Variants in TNRC6A observed in about 807,000 individuals in gnomAD.
TNRC6A encodes trinucleotide repeat-containing gene 6A protein.
TNRC6A carries 44 observed loss-of-function variants against 221.2 expected under a neutral mutation model. The ratio of observed to expected loss-of-function variants is 0.20; its 90% CI spans 0.16 to 0.26. The LOEUF (loss-of-function observed/expected upper bound fraction) is 0.26, where lower values mean the gene tolerates loss of function less well. Ranked by LOEUF, TNRC6A falls within the 10% of genes least tolerant of loss-of-function variation. TNRC6A has a pLI of 1.00. For synonymous variants in TNRC6A, 847 were observed against 838.5 expected (o/e 1.01, Z -0.18); for missense variants, 2,199 against 2,404.4 (o/e 0.91, Z 1.79).
At chr16:24,725,195 G>C (rs2056471198), upstream of TNRC6A, among the ~76,000 whole-genome samples, 1 of 151,980 alleles carries the variant, frequency 6.6e-6, no homozygotes, top group Non-Finnish European at 1.5e-5. Context: ...ATTGAGAAAA[G>C]GTCTCACTCT....
At chr16:24,710,575 T>A (rs2056185930) in intron 2 of TNRC6A, among the ~76,000 whole-genome samples, 1 of 152,202 alleles carries the variant, frequency 6.6e-6, no homozygotes. Flanking sequence ...TGCATCCTAC[T>A]AAGCAGTGCT....
At position 24,806,556 on chromosome 16, in the gene TNRC6A, T is replaced by C; in HGVS notation, c.4330-18T>C. On this transcript the variant is annotated intron_variant, in intron 16 of 24. Transcript: ENST00000395799. ...GTTTTCCCCCAGTAATTTTTTCCAA[T>C]CATTTCATTGTTTTAAGGGTCGACC... The C allele has an allele frequency of 6.2e-7, 1 of 1,612,826 alleles. No individual in the cohort carries two copies. Among genetic ancestry groups the C allele is most frequent in the Non-Finnish European group, 8.5e-7 (1 of 1,178,800 alleles).
rs916944598 is a variant in TNRC6A, at chr16:24,777,214, C to T, written c.445C>T (p.Leu149=). 1 of 1,614,170 alleles carries T rather than the reference C, an allele frequency of 6.2e-7. No individual in the cohort carries two copies. Among genetic ancestry groups the T allele is most frequent in the South Asian group, 1.1e-5 (1 of 91,074 alleles). The change falls in exon 5 of 25, where the codon CTA becomes TTA. Residue 149 remains leucine, a synonymous_variant. Transcript: ENST00000395799. ...RFRHQEHKQL[L]KRGQHFPVIA... Reference sequence around the variant, plus strand: ...TCGCCACCAGGAACACAAACAGCTTCTAAAGAGGGGTCAGCATTTTCCTGT... The same window carrying T: ...TCGCCACCAGGAACACAAACAGCTTTTAAAGAGGGGTCAGCATTTTCCTGT...
upstream of TNRC6A, among the ~76,000 whole-genome samples, chr16:24,729,094 C>T (rs925954803): frequency 1.3e-5 from 2 of 151,910 alleles, no homozygotes; most frequent in Non-Finnish European, 2.9e-5. Context: ...TCCGTGCAGG[C>T]GGAACTGCTG....
At chr16:24,809,170 TTAAA>T (rs1177641026) in intron 17 of TNRC6A, among the ~76,000 whole-genome samples, 176 bp from the exon 18 acceptor site, 2 of 152,206 alleles carry the variant, frequency 1.3e-5, no homozygotes, top group Admixed American at 1.3e-4. Context: ...CCAAGGAGTT[TTAAA>T]TAAATCATCA....
At chr16:24,776,579 G>A (rs530194663) in intron 4 of TNRC6A, 1 of 985,408 alleles carries the variant, frequency 1.0e-6, no homozygotes, top group Non-Finnish European at 1.2e-6. Flanking sequence ...CTGAAAATTG[G>A]TTGGCCACAT....
chr16:24,764,071 G>A (rs775661149), intron 4 of TNRC6A, among the ~76,000 whole-genome samples: 2 of 151,372 alleles, frequency 1.3e-5, no homozygotes, highest in African/African-American at 4.9e-5. Flanking sequence ...ACCCACATAC[G>A]TGCAACTTTG....
At position 24,805,552 on chromosome 16, in the gene TNRC6A, A is replaced by C. The variant is rs1472620777; in HGVS notation, c.4123-53A>C. 3.7e-6 allele frequency: 6 copies of C among 1,604,636 alleles called. No homozygotes were observed. The South Asian group carries it at 6.7e-5, about 18-fold the overall frequency. ...ACAACTGAAAACACACAGTACGTGT[A>C]GTTAGTGTGAGTTATTTTATCAAGA... On this transcript the variant is annotated intron_variant, in intron 14 of 24. Coordinates refer to ENST00000395799, the MANE Select transcript of TNRC6A (RefSeq NM_014494.4).
intron 2 of TNRC6A, among the ~76,000 whole-genome samples, chr16:24,644,505 G>T (rs1272823784): frequency 6.6e-6 from 1 of 152,040 alleles, no homozygotes; most frequent in Non-Finnish European, 1.5e-5. Flanking sequence ...CGTTGCCCAG[G>T]CTGGTCTTAA....
intron 2 of TNRC6A, among the ~76,000 whole-genome samples, chr16:24,711,566 T>C (rs904837165): frequency 6.6e-6 from 1 of 152,186 alleles, no homozygotes; most frequent in Non-Finnish European, 1.5e-5. Context: ...TAGACTTTTG[T>C]ATAAATTAAA....
intron 1 of TNRC6A, among the ~76,000 whole-genome samples, chr16:24,612,819 G>T (rs1221111810): frequency 6.6e-6 from 1 of 152,004 alleles, no homozygotes; most frequent in Admixed American, 6.6e-5. Flanking sequence ...ATTTGTGAAC[G>T]AAACAGAGAC....
intron 2 of TNRC6A, among the ~76,000 whole-genome samples, chr16:24,723,339 A>G (rs2056443163): frequency 6.6e-6 from 1 of 152,110 alleles, no homozygotes; most frequent in South Asian, 2.1e-4. Context: ...CATGCCTGTA[A>G]TCCCAGCACT....
In TNRC6A at chr16:24,795,908, G is replaced by T; in HGVS notation, c.3530G>T (p.Gly1177Val). 1 of 1,607,028 alleles carries T rather than the reference G, an allele frequency of 6.2e-7. No individual in the cohort carries two copies. Among genetic ancestry groups the T allele is most frequent in the South Asian group, 1.1e-5 (1 of 90,392 alleles). ...PPYTKKMSSK[G>V]LSGKKRRRER... ...TTGTGACTTTGTCTTTCCTTACAGG[G>T]TCTGAGTGGCAAAAAAAGGAGAAGG... The change falls in exon 9 of 25, where the codon GGT becomes GTT. Residue 1177 changes from glycine to valine, a missense_variant and splice_region_variant. Transcript: ENST00000395799.
chr16:24,819,875 T>C (rs766052063), intron 21 of TNRC6A: 30 of 464,186 alleles, frequency 6.5e-5, no homozygotes, highest in Non-Finnish European at 9.5e-5. Flanking sequence ...CCATTTCAGT[T>C]TGAGTACAGT....
chr16:24,698,834 C>A lies in TNRC6A; in HGVS notation n.403-51892C>A, dbSNP rs147417314. The stretch of plus-strand genomic sequence containing the variant: ...CAAGCGATTCTCCTGCCTCAGCCTC[C>A]CAAGTAGCTGGGATTATGGGCATGT... On this transcript the variant is annotated intron_variant and non_coding_transcript_variant, in intron 2 of 2. Transcript: ENST00000566108. Among the ~76,000 whole-genome samples the A allele has an allele frequency of 1.8e-3, 278 of 152,312 alleles. 2 individuals are homozygous for A. The highest frequency in any genetic ancestry group is 6.5e-3 in the African/African-American group (272 of 41,568).
At chr16:24,619,453 A>T (rs1268813273) in intron 1 of TNRC6A, among the ~76,000 whole-genome samples, 1 of 152,258 alleles carries the variant, frequency 6.6e-6, no homozygotes, top group African/African-American at 2.4e-5. Context: ...GAGTCAACTA[A>T]TGATAGAGCA....
chr16:24,687,879 A>AGAAGAAGAAGAT (rs1567357148), intron 2 of TNRC6A, among the ~76,000 whole-genome samples: 1 of 150,444 alleles, frequency 6.6e-6, no homozygotes, highest in African/African-American at 2.4e-5. Context: ...AAGAAGAAGA[A>AGAAGAAGAAGAT]GAAGCAGCTT....
At chr16:24,704,664 C>CAAAA (rs58926085) in intron 2 of TNRC6A, among the ~76,000 whole-genome samples, 990 of 69,192 alleles carry the variant, frequency 0.014, 27 homozygotes, top group Middle Eastern at 0.03. Context: ...GACTCCGTCT[C>CAAAA]AAAAAAAAAA....
intron 11 of TNRC6A, among the ~76,000 whole-genome samples, chr16:24,798,306 C>G (rs1319447172): frequency 1.3e-5 from 2 of 152,114 alleles, no homozygotes; most frequent in Non-Finnish European, 2.9e-5. Flanking sequence ...CAAGTCATTC[C>G]ATAGAATGAG....
Sources: allele counts gnomAD v4.1 joint callset (sites outside exome capture counted in the v4.1 genomes callset), GRCh38; gene constraint gnomAD v4.1.1; transcripts MANE v1.5; gene names NCBI Gene and HGNC (gene_info 2026-07-23, HGNC 2026-07-21).